Variants in RGS19 observed in about 807,000 individuals in gnomAD.
The protein encoded by RGS19 is regulator of G protein signaling 19.
Under a neutral mutation model 22.0 loss-of-function variants are expected in RGS19, and 9 were observed. The ratio of observed to expected loss-of-function variants is 0.41; its 90% CI spans 0.25 to 0.71. The LOEUF is 0.71. Ranked by LOEUF, RGS19 falls within the 30% of genes least tolerant of loss-of-function variation. RGS19 has a pLI of 0.32. For missense variants in RGS19, 256 were observed against 307.1 expected (o/e 0.83, Z 1.24); for synonymous variants, 130 against 127.3 (o/e 1.02, Z -0.14).
intron 4 of RGS19, 34 bp from the exon 5 acceptor site, chr20:64,074,412 G>A (rs548074480): frequency 5.7e-6 from 9 of 1,580,406 alleles, no homozygotes; most frequent in East Asian, 4.6e-5. Context: ...TGTCAGGCCC[G>A]AGTCTCCCGG....
At position 64,075,605 on chromosome 20, in the gene RGS19, C is replaced by G. The variant is rs1298015738; in HGVS notation, c.152+920G>C. Among the ~76,000 whole-genome samples, 4 of 152,018 alleles carry G rather than the reference C, an allele frequency of 2.6e-5. 1 individual carries two copies. The highest frequency in any genetic ancestry group is 6.3e-3 in the Middle Eastern group (2 of 316). ...TCCTCTCATCAGCCAGGGCCTGAAG[C>G]CTGAATAGGGCCAGGCTTCTGCAAG... On this transcript the variant is annotated intron_variant, in intron 3 of 5. Transcript: ENST00000395042. The surrounding 1 kb of genome is among the most constrained non-coding windows in gnomAD (Gnocchi z 4.6).
Position 64,073,581 on chromosome 20 carries a change from C to A in RGS19, c.*272G>T. On this transcript the variant is annotated 3_prime_UTR_variant, in exon 6 of 6. Transcript: ENST00000395042. ...ACTCTCACCACGCAAGAGCCCCCAG[C>A]CAGGAGCACTGGGCCAGCCAGCTGC... 2.3e-6 allele frequency: 1 copy of A among 431,872 alleles called. No homozygotes were observed. Among genetic ancestry groups the A allele is most frequent in the African/African-American group, 2.0e-5 (1 of 50,060 alleles). 26.8% of individuals were successfully genotyped at this position (431,872 alleles called of 1,614,324 possible).
intron 5 of RGS19, 39 bp from the exon 6 acceptor site, chr20:64,074,083 T>C: frequency 6.2e-7 from 1 of 1,602,824 alleles, no homozygotes; most frequent in East Asian, 2.2e-5. Flanking sequence ...GTGCGGGAGC[T>C]GCCTTCCCCA....
chr20:64,074,029 G>C lies in RGS19; in HGVS notation c.478C>G (p.Arg160Gly). 6.2e-7 allele frequency: 1 copy of C among 1,612,572 alleles called. No homozygotes were observed. Among genetic ancestry groups the C allele is most frequent in the African/African-American group, 1.3e-5 (1 of 75,028 alleles). The change falls in exon 6 of 6, where the codon CGT (arginine) becomes GGT (glycine). Residue 160 changes from arginine to glycine, a missense_variant. Physicochemically the swap from Arg to Gly is moderately radical, Grantham distance 125 (BLOSUM62 -2). Transcript: ENST00000395042. ...TTCTTGTTGATGCCCTCCCGCACAC[G>C]GGAGTCCAGGCTCACCTGCAGGACA... ...LSPKEVSLDSRVREGINKKMQ... is the reference protein window; with the variant it reads ...LSPKEVSLDSGVREGINKKMQ...
rs898339965 is a variant in RGS19 at position 64,075,239 on chromosome 20, G to A, written c.153-698C>T. Among the ~76,000 whole-genome samples, 4 of 152,218 alleles carry A rather than the reference G, an allele frequency of 2.6e-5. No homozygotes were observed. Among genetic ancestry groups the A allele is most frequent in the African/African-American group, 9.6e-5 (4 of 41,462 alleles). Reference sequence around the variant, plus strand: ...CCCTGTCCCACCGATGGGGTCACACGCTGCAGGTCTGGCGTGTCAGCAGTG... The same window carrying A: ...CCCTGTCCCACCGATGGGGTCACACACTGCAGGTCTGGCGTGTCAGCAGTG... On this transcript the variant is annotated intron_variant, in intron 3 of 5. Transcript: ENST00000395042. This position sits in a 1 kb window ranked among gnomAD's most constrained non-coding sequence, Gnocchi z 4.6.
chr20:64,074,403 G>C, intron 4 of RGS19, 25 bp from the exon 5 acceptor site: 1 of 1,589,900 alleles, frequency 6.3e-7, no homozygotes, highest in Non-Finnish European at 8.6e-7. Context: ...GCCAGGCTAT[G>C]TCAGGCCCGA....
rs1419274129 is a variant in RGS19 at position 64,076,627 on chromosome 20, G to A, written c.50C>T (p.Ala17Val). Residue 17 changes from alanine (A) to valine (V), a missense_variant, in exon 3 of 6, where the codon GCG becomes GTG. By Grantham distance (64) the Ala-to-Val change is moderately conservative (BLOSUM62 0). Transcript: ENST00000395042. ...AEKQITGPEE[A>V]DRPPSMSSHD... ...ACTGGACATTGAAGGGGGCCGGTCC[G>A]CCTCCTCTGGCCCTGTGATCTGGGG... The A allele has an allele frequency of 8.7e-6, 14 of 1,603,746 alleles. No individual in the cohort carries two copies. Among genetic ancestry groups the A allele is most frequent in the African/African-American group, 1.3e-5 (1 of 74,726 alleles).
At chr20:64,077,278 G>A (rs577243486) in intron 1 of RGS19, among the ~76,000 whole-genome samples, 4 of 152,212 alleles carry the variant, frequency 2.6e-5, no homozygotes, top group South Asian at 2.1e-4. Flanking sequence ...CTTGGTTTCC[G>A]GCTCCCAGCC....
At position 64,075,012 on chromosome 20, in the gene RGS19, G is replaced by A. The variant is rs1341000441; in HGVS notation, c.153-471C>T. Reference sequence around the variant, plus strand: ...TGCTCCCCTGGGGGAGATGGGGTGGGGCAAGATGAGGGGCCACAAGGAGCT... The same window carrying A: ...TGCTCCCCTGGGGGAGATGGGGTGGAGCAAGATGAGGGGCCACAAGGAGCT... On this transcript the variant is annotated intron_variant, in intron 3 of 5. Transcript: ENST00000395042. This position sits in a 1 kb window ranked among gnomAD's most constrained non-coding sequence, Gnocchi z 4.6. Among the ~76,000 whole-genome samples the A allele has an allele frequency of 6.6e-6, 1 of 152,202 alleles. No individual in the cohort carries two copies. The highest frequency in any genetic ancestry group is 1.5e-5 in the Non-Finnish European group (1 of 68,038).
chr20:64,078,674 T>C (rs1354776823), intron 1 of RGS19, among the ~76,000 whole-genome samples: 2 of 152,184 alleles, frequency 1.3e-5, no homozygotes, highest in Non-Finnish European at 2.9e-5. Flanking sequence ...CACCTGTCCC[T>C]GGACCTGGCT....
rs746510937 is a variant in RGS19 at position 64,073,825 on chromosome 20, C to T, written c.*28G>A. 2.2e-5 allele frequency: 35 copies of T among 1,567,628 alleles called. No individual in the cohort carries two copies. The highest frequency in any genetic ancestry group is 4.5e-5 in the East Asian group (2 of 44,278). ...GGAACCCAGAGTCGGCCGTAGGAGGCGGCGGGGTCTGTGCTGCTGGGGGCG... is the reference window on the plus strand; with the variant it reads ...GGAACCCAGAGTCGGCCGTAGGAGGTGGCGGGGTCTGTGCTGCTGGGGGCG... On this transcript the variant is annotated 3_prime_UTR_variant, in exon 6 of 6. Transcript: ENST00000395042.
In RGS19 at chr20:64,073,224, G is replaced by A. The variant is rs1046298433; in HGVS notation, c.*629C>T. ...TCAATAATAAGACATCCTATTTTTG[G>A]GGGGTTAGGGATAGAGATAAATATG... On this transcript the variant is annotated 3_prime_UTR_variant, in exon 6 of 6. Coordinates refer to ENST00000395042, the MANE Select transcript of RGS19 (RefSeq NM_005873.3). 2 of 152,208 alleles carry A rather than the reference G, an allele frequency of 1.3e-5. No homozygotes were observed. Among genetic ancestry groups the A allele is most frequent in the African/African-American group, 4.8e-5 (2 of 41,452 alleles). 9.4% of individuals were successfully genotyped at this position (152,208 alleles called of 1,614,324 possible).
In RGS19 at chr20:64,076,927, T is replaced by A; in HGVS notation, c.-41A>T. ...GTTGCCCAGGCTCCGTGGTACCAGC[T>A]CTCAGACCCTCACCACAGCCTGGGG... On this transcript the variant is annotated 5_prime_UTR_variant, in exon 2 of 6. Transcript: ENST00000395042. The A allele has an allele frequency of 6.7e-7, 1 of 1,486,298 alleles. No individual in the cohort carries two copies. The highest frequency in any genetic ancestry group is 8.9e-7 in the Non-Finnish European group (1 of 1,121,100). 92.1% of individuals were successfully genotyped at this position (1,486,298 alleles called of 1,614,324 possible).
Position 64,073,615 on chromosome 20 carries a change from G to C in RGS19, c.*238C>G. On this transcript the variant is annotated 3_prime_UTR_variant, in exon 6 of 6. Transcript: ENST00000395042. ...CTGGGCCAGCCAGCTGCGGGCCGAT[G>C]AGGGGGCTTCTGGCCCGCCCTGCAC... 2.0e-6 allele frequency: 1 copy of C among 491,758 alleles called. No individual in the cohort carries two copies. Among genetic ancestry groups the C allele is most frequent in the South Asian group, 3.2e-5 (1 of 30,854 alleles). The allele number at this position is 491,758 out of a possible 1,614,324, so 30.5% of individuals were successfully genotyped here. A position where few individuals can be genotyped will look rare whatever the true frequency, so the allele number is the denominator to read the frequency against.
chr20:64,079,872 C>T (rs1211180282), upstream of RGS19: 1 of 148,904 alleles, frequency 6.7e-6, no homozygotes, highest in Non-Finnish European at 1.5e-5. The surrounding 1 kb of genome is among the most constrained non-coding windows in gnomAD (Gnocchi z 5.1). Context: ...CGCGCACTCA[C>T]CAGCCGCGCT....
chr20:64,076,838 AGAGGGG>A lies in RGS19; in HGVS notation c.30+13_30+18del. The A allele has an allele frequency of 1.3e-6, 2 of 1,572,970 alleles. No individual in the cohort carries two copies. On this transcript the variant is annotated intron_variant, in intron 2 of 5. Coordinates refer to ENST00000395042, the MANE Select transcript of RGS19 (RefSeq NM_005873.3). ...CCATCTCCCCCAGGGGAGCAGAGGC[AGAGGGG>A]GAGGTGGCATACCTGCTTCTCAGCC...
rs975006651 is a variant in RGS19 at position 64,075,405 on chromosome 20, C to T, written c.153-864G>A. ...CATCCTGTCAGTGCTGGACCCAAAT[C>T]CATACCCGGCTGACCTCTCTCCAGG... On this transcript the variant is annotated intron_variant, in intron 3 of 5. Coordinates refer to ENST00000395042, the MANE Select transcript of RGS19 (RefSeq NM_005873.3). This position sits in a 1 kb window ranked among gnomAD's most constrained non-coding sequence, Gnocchi z 4.6. 2.0e-5 allele frequency among the ~76,000 whole-genome samples: 3 copies of T among 152,192 alleles called. No individual in the cohort carries two copies. The highest frequency in any genetic ancestry group is 7.2e-5 in the African/African-American group (3 of 41,456).
intron 3 of RGS19, among the ~76,000 whole-genome samples, chr20:64,076,024 G>C (rs945694109): frequency 6.6e-6 from 1 of 152,178 alleles, no homozygotes; most frequent in Non-Finnish European, 1.5e-5. Context: ...TGGGATTACA[G>C]GCATGCGCCA....
At chr20:64,077,026 C>T (rs1332397162) in intron 1 of RGS19, 72 bp from the exon 2 acceptor site, 14 of 777,242 alleles carry the variant, frequency 1.8e-5, no homozygotes, top group Non-Finnish European at 1.9e-6. Context: ...AGGAGGGGTC[C>T]TGAGAGGGTG....
Sources: allele counts gnomAD v4.1 joint callset (sites outside exome capture counted in the v4.1 genomes callset), GRCh38; gene constraint gnomAD v4.1.1; non-coding constraint Gnocchi (gnomAD v3.1); transcripts MANE v1.5; gene names NCBI Gene and HGNC (gene_info 2026-07-23, HGNC 2026-07-21).